MYO3B: variants seen among roughly 807,000 people sequenced by gnomAD.
MYO3B encodes myosin-IIIb.
Under a neutral mutation model 174.6 loss-of-function variants are expected in MYO3B, and 156 were observed. The ratio of observed to expected loss-of-function variants is 0.89; its 90% CI spans 0.78 to 1.02. The LOEUF is 1.02. Among genes scored for constraint, MYO3B ranks in the 50% least tolerant of loss-of-function variants. The pLI is 0.00. For synonymous variants in MYO3B, 563 were observed against 569.1 expected, an observed-to-expected ratio of 0.99 and a Z score of 0.15; for missense variants, 1,632 against 1,639.4, an observed-to-expected ratio of 1.00 and a Z score of 0.08.
chr2:170,264,518 A>C (rs1241932520), intron 7 of MYO3B, among the ~76,000 whole-genome samples: 1 of 152,186 alleles, frequency 6.6e-6, no homozygotes, highest in Admixed American at 6.5e-5. Flanking sequence ...TCAAAGGAGG[A>C]GGGACAAAGA....
intron 6 of MYO3B, among the ~76,000 whole-genome samples, chr2:170,233,482 A>T (rs1228703799): frequency 2.0e-5 from 3 of 152,170 alleles, no homozygotes; most frequent in Admixed American, 2.0e-4. Flanking sequence ...TTCTCTAGGG[A>T]TCTTTAAAAA....
intron 7 of MYO3B, among the ~76,000 whole-genome samples, chr2:170,244,891 A>G (rs1239232370): frequency 6.6e-6 from 1 of 152,222 alleles, no homozygotes; most frequent in Non-Finnish European, 1.5e-5. Context: ...CTAAGATGGA[A>G]AAACATAGAC....
chr2:170,496,684 A>T (rs192491296), intron 25 of MYO3B, among the ~76,000 whole-genome samples: 1 of 151,350 alleles, frequency 6.6e-6, no homozygotes, highest in African/African-American at 2.4e-5. Flanking sequence ...TCCTTGTGTC[A>T]CCCAGGCTAG....
intron 7 of MYO3B, among the ~76,000 whole-genome samples, chr2:170,300,995 G>A (rs184885624): frequency 2.0e-5 from 3 of 152,344 alleles, no homozygotes; most frequent in Admixed American, 1.3e-4. Flanking sequence ...GTGCCAGCAT[G>A]TAGGCACATC....
intron 22 of MYO3B, among the ~76,000 whole-genome samples, chr2:170,427,592 G>A (rs574510274): frequency 2.0e-5 from 3 of 152,120 alleles, no homozygotes; most frequent in Non-Finnish European, 4.4e-5. Flanking sequence ...AGTAATGCTG[G>A]CCAATTGGGC....
chr2:170,444,798 A>G (rs745521489), intron 23 of MYO3B, among the ~76,000 whole-genome samples: 2 of 152,200 alleles, frequency 1.3e-5, no homozygotes, highest in Non-Finnish European at 2.9e-5. Flanking sequence ...TTTTTTACCA[A>G]TATTGCTATT....
At chr2:170,425,606 T>C (rs964460315) in intron 22 of MYO3B, among the ~76,000 whole-genome samples, 3 of 152,222 alleles carry the variant, frequency 2.0e-5, no homozygotes, top group Admixed American at 1.3e-4. Context: ...ACAATAGTGA[T>C]TGCCAGGTAA....
At chr2:170,630,440 C>T (rs1696854818) in intron 32 of MYO3B, among the ~76,000 whole-genome samples, 1 of 152,192 alleles carries the variant, frequency 6.6e-6, no homozygotes, top group Non-Finnish European at 1.5e-5. Context: ...ACGAGGCCTG[C>T]CTGCCTCTGT....
At chr2:170,551,529 G>T (rs1409617305) in intron 32 of MYO3B, among the ~76,000 whole-genome samples, 3 of 74,296 alleles carry the variant, frequency 4.0e-5, no homozygotes, top group African/African-American at 5.5e-5. Context: ...TTTGTTCCCT[G>T]ACTTTTTGCA....
intron 7 of MYO3B, among the ~76,000 whole-genome samples, chr2:170,274,708 T>C (rs2093451029): frequency 6.6e-6 from 1 of 152,172 alleles, no homozygotes; most frequent in African/African-American, 2.4e-5. Flanking sequence ...TATGTGCTTA[T>C]CAAAATGCAC....
chr2:170,399,109 G>T (rs1369601319), intron 16 of MYO3B, among the ~76,000 whole-genome samples: 1 of 152,006 alleles, frequency 6.6e-6, no homozygotes, highest in East Asian at 1.9e-4. Context: ...GGGCGTGGTA[G>T]TGCATGTCTG....
chr2:170,309,264 A>G (rs535123988), intron 7 of MYO3B, among the ~76,000 whole-genome samples: 1 of 152,334 alleles, frequency 6.6e-6, no homozygotes, highest in South Asian at 2.1e-4. Context: ...CAAATCATAA[A>G]TTACTGTGTG....
At chr2:170,646,110 A>G (rs1178327051) in intron 32 of MYO3B, among the ~76,000 whole-genome samples, 2 of 151,890 alleles carry the variant, frequency 1.3e-5, no homozygotes, top group East Asian at 3.9e-4. Flanking sequence ...CATCTCTACT[A>G]AAAATACAAA....
chr2:170,465,289 T>G (rs1194373295), intron 24 of MYO3B, among the ~76,000 whole-genome samples: 2 of 152,094 alleles, frequency 1.3e-5, no homozygotes, highest in Admixed American at 6.5e-5. Context: ...CTTTTACTCA[T>G]AGAGCAGGCG....
At chr2:170,534,655 G>A (rs556087019) in intron 30 of MYO3B, among the ~76,000 whole-genome samples, 7 of 152,274 alleles carry the variant, frequency 4.6e-5, no homozygotes, top group Admixed American at 3.9e-4. Context: ...GCCCAGGCTG[G>A]TCTTGAACTT....
At chr2:170,260,108 C>T (rs533118677) in intron 7 of MYO3B, among the ~76,000 whole-genome samples, 18 of 152,272 alleles carry the variant, frequency 1.2e-4, no homozygotes, top group African/African-American at 3.6e-4. Context: ...AATGCTCATA[C>T]ACTATTGATG....
intron 32 of MYO3B, among the ~76,000 whole-genome samples, chr2:170,573,963 A>G (rs1692626147): frequency 1.3e-5 from 2 of 152,134 alleles, no homozygotes; most frequent in South Asian, 4.1e-4. Context: ...GAGTTGGAAT[A>G]TGCCTTAGAA....
intron 22 of MYO3B, among the ~76,000 whole-genome samples, chr2:170,433,662 TG>T (rs2094728940): frequency 6.6e-6 from 1 of 152,262 alleles, no homozygotes; most frequent in Non-Finnish European, 1.5e-5. Context: ...CATGTAAGCA[TG>T]AGCCTCTTCT....
At chr2:170,255,785 C>T (rs1479989023) in intron 7 of MYO3B, among the ~76,000 whole-genome samples, 1 of 152,150 alleles carries the variant, frequency 6.6e-6, no homozygotes, top group Non-Finnish European at 1.5e-5. Context: ...AGCTCCGCAG[C>T]AATAGATCCT....
Sources: allele counts gnomAD v4.1 joint callset (sites outside exome capture counted in the v4.1 genomes callset), GRCh38; gene constraint gnomAD v4.1.1; transcripts MANE v1.5; gene names NCBI Gene and HGNC (gene_info 2026-07-23, HGNC 2026-07-21).